KCNT1: variants seen among roughly 807,000 people sequenced by gnomAD.
The protein encoded by KCNT1 is potassium channel subfamily T member 1.
In KCNT1, 78 loss-of-function variants were observed where a neutral mutation model predicts 147.8. The observed-to-expected ratio is 0.53, with a 90% CI of 0.44 to 0.64. The LOEUF is 0.64. KCNT1 is among the 30% of genes least tolerant of loss of function. The probability of loss-of-function intolerance (pLI) is 0.00; values close to 1 mark genes in which losing one functional copy is unlikely to be tolerated. For missense variants in KCNT1, 1,419 were observed against 1,750.3 expected (o/e 0.81, Z 3.38); for synonymous variants, 867 against 748.8 (o/e 1.16, Z -2.58).
Position 135,784,766 on chromosome 9 carries a change from A to C in KCNT1, c.3033A>C (p.Lys1011Asn). ...TPGSGYLCAM[K>N]ITEGDLWIRT... ...TCAGGGTTCCCACCCTGCAGATGAA[A>C]ATCACCGAGGGCGACCTGTGGATCC... The change falls in exon 27 of 31, where the codon AAA becomes AAC. Residue 1011 changes from lysine (K) to asparagine (N), a missense_variant. By Grantham distance (94) the Lys-to-Asn change is moderately conservative. This residue lies in a region of KCNT1 where 247 missense variants were observed against 397.1 expected (regional missense o/e 0.62). Transcript: ENST00000371757. 6.2e-7 allele frequency: 1 copy of C among 1,612,378 alleles called. No individual in the cohort carries two copies. Among genetic ancestry groups the C allele is most frequent in the Non-Finnish European group, 8.5e-7 (1 of 1,179,760 alleles).
chr9:135,734,799 C>G (rs371692529), intron 2 of KCNT1, among the ~76,000 whole-genome samples: 1 of 152,084 alleles, frequency 6.6e-6, no homozygotes, highest in African/African-American at 2.4e-5. Flanking sequence ...GAGCCGCATC[C>G]GCAGCCCAGG....
intron 11 of KCNT1, among the ~76,000 whole-genome samples, chr9:135,760,942 T>A (rs1457235712): frequency 6.6e-6 from 1 of 152,214 alleles, no homozygotes. Flanking sequence ...AAGAAGCCAG[T>A]TGTGTGTGGC....
intron 1 of KCNT1, among the ~76,000 whole-genome samples, chr9:135,708,537 A>G (rs1564310353): frequency 1.3e-5 from 2 of 152,162 alleles, no homozygotes; most frequent in South Asian, 4.1e-4. Context: ...TTAGCCAAAG[A>G]CAGTCACAAT....
At chr9:135,770,530 G>C (rs1182897395) in intron 17 of KCNT1, 83 bp downstream of exon 17, 1 of 1,505,150 alleles carries the variant, frequency 6.6e-7, no homozygotes, top group Non-Finnish European at 8.9e-7. Context: ...TCAGGCACAG[G>C]GGTGGCCCTG....
intron 10 of KCNT1, among the ~76,000 whole-genome samples, chr9:135,758,714 C>T (rs376728986): frequency 1.3e-5 from 2 of 152,226 alleles, no homozygotes; most frequent in Admixed American, 6.5e-5. Flanking sequence ...CACGAGCAGC[C>T]CTGCAGCCCG....
intron 2 of KCNT1, among the ~76,000 whole-genome samples, chr9:135,744,315 G>C (rs569220513): frequency 6.6e-6 from 1 of 152,388 alleles, no homozygotes; most frequent in South Asian, 2.1e-4. Flanking sequence ...ACTTGCCTCA[G>C]AGGGTCCCGT....
chr9:135,784,496 TC>T lies in KCNT1; in HGVS notation c.2944-36del, dbSNP rs770036204. 3 of 157,650 alleles carry T rather than the reference TC, an allele frequency of 1.9e-5. 1 individual carries two copies. The highest frequency in any genetic ancestry group is 1.1e-4 in the South Asian group (2 of 17,518). The allele number at this position is 157,650 out of a possible 1,614,324, so 9.8% of individuals were successfully genotyped here. ...GCCTCACTGTGGCTCCCTCCCTCCC[TC>T]CCTCCCTCCCTCCCTCCCTCCCTCC... On this transcript the variant is annotated intron_variant, in intron 25 of 30. Coordinates refer to ENST00000371757, the MANE Select transcript of KCNT1 (RefSeq NM_020822.3).
intron 11 of KCNT1, among the ~76,000 whole-genome samples, chr9:135,764,253 C>T (rs971185029): frequency 5.9e-5 from 9 of 152,086 alleles, no homozygotes; most frequent in African/African-American, 2.2e-4. Context: ...CCCAGGAGTT[C>T]GAGACCAGCC....
chr9:135,734,500 G>A (rs538301848), intron 2 of KCNT1, among the ~76,000 whole-genome samples: 36 of 152,304 alleles, frequency 2.4e-4, no homozygotes, highest in Admixed American at 5.2e-4. Context: ...AGCAAGTTGC[G>A]AAGATCCTCC....
intron 1 of KCNT1, among the ~76,000 whole-genome samples, chr9:135,704,602 G>A (rs2131309105): frequency 6.6e-6 from 1 of 152,340 alleles, no homozygotes; most frequent in South Asian, 2.1e-4. Flanking sequence ...GAGCTGGCAA[G>A]TGCCCACCCC....
intron 5 of KCNT1, among the ~76,000 whole-genome samples, chr9:135,754,834 G>A (rs1831381795): frequency 1.3e-5 from 2 of 152,204 alleles, no homozygotes; most frequent in Non-Finnish European, 2.9e-5. Flanking sequence ...GTCATGGGCT[G>A]CAGGCCAAGG....
At chr9:135,784,488 T>TTCCCCCCCCC in intron 25 of KCNT1, 47 bp from the exon 26 acceptor site, 1 of 85,996 alleles carries the variant, frequency 1.2e-5, no homozygotes. Context: ...TGTGGCTCCC[T>TTCCCCCCCCC]CCCTCCCTCC....
intron 20 of KCNT1, among the ~76,000 whole-genome samples, chr9:135,776,140 A>G (rs1036839338): frequency 1.4e-4 from 21 of 151,948 alleles, no homozygotes; most frequent in African/African-American, 5.1e-4. Flanking sequence ...CACTGTGAAA[A>G]TGACTGTTTT....
chr9:135,769,530 G>T (rs948554410), intron 15 of KCNT1, among the ~76,000 whole-genome samples: 1 of 152,204 alleles, frequency 6.6e-6, no homozygotes, highest in Non-Finnish European at 1.5e-5. Flanking sequence ...GTCAGTGAAG[G>T]CAGGGTCAGA....
intron 1 of KCNT1, among the ~76,000 whole-genome samples, chr9:135,706,672 G>A (rs181753243): frequency 1.8e-3 from 270 of 152,356 alleles, no homozygotes; most frequent in Non-Finnish European, 2.7e-3. Context: ...GGGGCCAGAA[G>A]TGGGTCCTCA....
In KCNT1 at chr9:135,714,574, C is replaced by G. The variant is rs1835642321; in HGVS notation, c.111-3C>G. On this transcript the variant is annotated splice_polypyrimidine_tract_variant and splice_region_variant and intron_variant, in intron 1 of 30. Transcript: ENST00000371757. The surrounding 1 kb of genome is among the most constrained non-coding windows in gnomAD (Gnocchi z 6.2). ...GCTGAGGGGCGCTGGCGTGTGCCCGCAGGCGGCCCTGCGCGGGGGACGGCG... is the reference window on the plus strand; with the variant it reads ...GCTGAGGGGCGCTGGCGTGTGCCCGGAGGCGGCCCTGCGCGGGGGACGGCG... The G allele has an allele frequency of 7.7e-7, 1 of 1,291,946 alleles. No homozygotes were observed. The highest frequency in any genetic ancestry group is 9.9e-7 in the Non-Finnish European group (1 of 1,005,140). The allele number at this position is 1,291,946 out of a possible 1,614,324, so 80.0% of individuals were successfully genotyped here.
At chr9:135,703,765 T>C (rs1157749846) in intron 1 of KCNT1, among the ~76,000 whole-genome samples, 5 of 152,166 alleles carry the variant, frequency 3.3e-5, no homozygotes, top group Non-Finnish European at 7.4e-5. Flanking sequence ...CCTGACCTGC[T>C]CCAGACGAGC....
intron 14 of KCNT1, 45 bp from the exon 15 acceptor site, chr9:135,768,782 CCA>C (rs1832509139): frequency 6.4e-7 from 1 of 1,570,602 alleles, no homozygotes; most frequent in Non-Finnish European, 8.7e-7. Context: ...GCCCAGCAGC[CCA>C]CAGAGGCCAG....
intron 3 of KCNT1, chr9:135,750,665 A>G (rs535669511): frequency 1.4e-4 from 74 of 547,716 alleles, no homozygotes; most frequent in African/African-American, 1.3e-3. Flanking sequence ...CCCAATCCCT[A>G]TCCTGTCCTC....
Sources: gnomAD v4.1 joint callset for allele counts (sites outside exome capture counted in the v4.1 genomes callset) on GRCh38, gnomAD v4.1.1 for gene constraint, gnomAD v4.1.1 regional missense constraint, Gnocchi (gnomAD v3.1) non-coding constraint, MANE v1.5 for transcripts, NCBI Gene and HGNC (gene_info 2026-07-23, HGNC 2026-07-21) for gene names.